Variants in PKHD1L1 observed in about 807,000 individuals in gnomAD.
The protein encoded by PKHD1L1 is fibrocystin-L.
Under a neutral mutation model 462.9 loss-of-function variants are expected in PKHD1L1, and 434 were observed. The ratio of observed to expected loss-of-function variants is 0.94; its 90% confidence interval spans 0.87 to 1.02. PKHD1L1 has a LOEUF of 1.02. Ranked by LOEUF, PKHD1L1 falls within the 50% of genes least tolerant of loss-of-function variation. PKHD1L1 has a pLI of 0.00. For missense variants in PKHD1L1, 5,202 were observed against 5,096.1 expected (o/e 1.02, Z -0.63); for synonymous variants, 1,781 against 1,750.0 (o/e 1.02, Z -0.44).
chr8:109,403,418 T>G (rs1273643308), intron 14 of PKHD1L1, among the ~76,000 whole-genome samples: 1 of 152,186 alleles, frequency 6.6e-6, no homozygotes, highest in Admixed American at 6.6e-5. Context: ...CATTTGTTAT[T>G]CATATGGATA....
At chr8:109,390,916 T>TTA (rs1812682012) in intron 9 of PKHD1L1, among the ~76,000 whole-genome samples, 1 of 152,180 alleles carries the variant, frequency 6.6e-6, no homozygotes, top group Admixed American at 6.5e-5. Flanking sequence ...AAGATGGTAG[T>TTA]TATATCTTTC....
In PKHD1L1 at chr8:109,426,177, C is replaced by G. The variant is rs141529103; in HGVS notation, c.2846-825C>G. ...GTGACATTCTCAAATGTTTGTTTCT[C>G]TTTTATATTCATGACTTATAGGTTA... On this transcript the variant is annotated intron_variant, in intron 24 of 77. Transcript: ENST00000378402. 4.2e-4 allele frequency among the ~76,000 whole-genome samples: 64 copies of G among 152,122 alleles called. No individual in the cohort carries two copies. The East Asian group carries it at 0.011, about 27-fold the overall frequency.
chr8:109,438,658 G>GT (rs1031619344), intron 31 of PKHD1L1, among the ~76,000 whole-genome samples: 136 of 147,606 alleles, frequency 9.2e-4, no homozygotes, highest in Middle Eastern at 7.1e-3. Flanking sequence ...AAAATAGTAA[G>GT]TTTTTTTTTT....
At position 109,496,930 on chromosome 8, in the gene PKHD1L1, C is replaced by G; in HGVS notation, c.10339C>G (p.Pro3447Ala). ...TATTTCCCTCCAAGGCCAGTTTAAT[C>G]CTGTGGAAAAGTGGTTTGACAATGA... ...DGEPCPGQFN[P>A]VEKWFDNEAH... The change falls in exon 64 of 78, where the codon CCT becomes GCT. Residue 3447 changes from proline (P) to alanine (A), a missense_variant. Transcript: ENST00000378402. 1 of 1,612,902 alleles carries G rather than the reference C, an allele frequency of 6.2e-7. No individual in the cohort carries two copies. Among genetic ancestry groups the G allele is most frequent in the Non-Finnish European group, 8.5e-7 (1 of 1,179,244 alleles).
chr8:109,507,589 CTAAG>C, intron 68 of PKHD1L1, 70 bp from the exon 69 acceptor site: 1 of 1,303,444 alleles, frequency 7.7e-7, no homozygotes, highest in Non-Finnish European at 1.1e-6. Context: ...TGGATATCCT[CTAAG>C]TAAATATTCA....
At chr8:109,407,946 G>T in intron 17 of PKHD1L1, 103 bp from the exon 18 acceptor site, 1 of 720,568 alleles carries the variant, frequency 1.4e-6, no homozygotes. Flanking sequence ...AAACCAATTT[G>T]GCTACATTTG....
At position 109,459,625 on chromosome 8, in the gene PKHD1L1, C is replaced by T; in HGVS notation, c.7035C>T (p.Thr2345=). The change falls in exon 47 of 78, where the codon ACC becomes ACT. Residue 2345 remains threonine, a synonymous_variant. Transcript: ENST00000378402. The part of the protein sequence containing the change: ...RHSQGENEKM[T]IASVSADGIN... ...GTCAAGGAGAGAATGAAAAAATGAC[C>T]ATTGCATCTGTGTCTGCTGATGGCA... 2.5e-6 allele frequency: 4 copies of T among 1,574,146 alleles called. No homozygotes were observed. Among genetic ancestry groups the T allele is most frequent in the Non-Finnish European group, 3.5e-6 (4 of 1,158,780 alleles).
intron 2 of PKHD1L1, among the ~76,000 whole-genome samples, chr8:109,378,852 A>G (rs560595753): frequency 3.3e-5 from 5 of 152,330 alleles, no homozygotes; most frequent in Admixed American, 3.3e-4. Flanking sequence ...TGTCTTAGAG[A>G]GAGGCATATG....
intron 50 of PKHD1L1, among the ~76,000 whole-genome samples, chr8:109,471,777 C>T (rs1309826383): frequency 6.6e-6 from 1 of 152,136 alleles, no homozygotes; most frequent in East Asian, 1.9e-4. Flanking sequence ...GTTAATACAT[C>T]ACATCTTATT....
chr8:109,419,242 A>G lies in PKHD1L1; in HGVS notation c.2506A>G (p.Thr836Ala). The stretch of plus-strand genomic sequence containing the variant: ...TGTAGTGTACATTGGACACACATCT[A>G]CAATCTCAACATTGGATGGTATGTT... ...VDVVYIGHTS[T>A]ISTLDEMPKR... The change falls in exon 22 of 78, where the codon ACA becomes GCA. Residue 836 changes from threonine to alanine, a missense_variant. Physicochemically the swap from Thr to Ala is moderately conservative, Grantham distance 58. Around this residue, in one of 3 missense-constraint regions of PKHD1L1, gnomAD observed 4,497 missense variants for 4,336.8 expected, o/e 1.04. Transcript: ENST00000378402. The G allele has an allele frequency of 6.2e-7, 1 of 1,605,504 alleles. No homozygotes were observed. Among genetic ancestry groups the G allele is most frequent in the Non-Finnish European group, 8.5e-7 (1 of 1,175,014 alleles).
intron 2 of PKHD1L1, among the ~76,000 whole-genome samples, chr8:109,370,250 C>G (rs2130330600): frequency 6.6e-6 from 1 of 152,172 alleles, no homozygotes; most frequent in African/African-American, 2.4e-5. Context: ...TCCCGAGTAG[C>G]TGGAATTACA....
chr8:109,427,010 G>C lies in PKHD1L1; in HGVS notation c.2854G>C (p.Ala952Pro). 6.4e-7 allele frequency: 1 copy of C among 1,555,098 alleles called. No individual in the cohort carries two copies. The highest frequency in any genetic ancestry group is 1.1e-5 in the South Asian group (1 of 89,890). Residue 952 changes from alanine (A) to proline (P), a missense_variant, in exon 25 of 78, where the codon GCT (alanine) becomes CCT (proline). Ala to Pro is a conservative substitution (Grantham distance 27, BLOSUM62 -1). Transcript: ENST00000378402. ...CCCCTCTGTGAGTGCAGGCCTCCCC[G>C]CTGCTGTGTCAGCTGCAGATCTGCA... ...AYGHILKGLP[A>P]AVSAADLQFA...
At chr8:109,396,495 G>A (rs1222460279) in intron 11 of PKHD1L1, among the ~76,000 whole-genome samples, 3 of 152,136 alleles carry the variant, frequency 2.0e-5, no homozygotes, top group South Asian at 2.1e-4. Context: ...ATTTCTCAGC[G>A]AGTTAGCTAA....
At chr8:109,377,864 A>G (rs1301629530) in intron 2 of PKHD1L1, among the ~76,000 whole-genome samples, 1 of 152,228 alleles carries the variant, frequency 6.6e-6, no homozygotes, top group Non-Finnish European at 1.5e-5. Flanking sequence ...TCAAAAATAT[A>G]AAATATTCTT....
At chr8:109,433,583 T>C (rs1815230718) in intron 28 of PKHD1L1, among the ~76,000 whole-genome samples, 1 of 152,172 alleles carries the variant, frequency 6.6e-6, no homozygotes, top group Admixed American at 6.5e-5. Context: ...GTTTTGACAA[T>C]GCCATGCAGG....
intron 23 of PKHD1L1, among the ~76,000 whole-genome samples, chr8:109,421,494 AAT>A (rs1287627502): frequency 5.3e-5 from 8 of 152,198 alleles, no homozygotes; most frequent in Admixed American, 1.3e-4. Flanking sequence ...TAGAAAATAT[AAT>A]AACTGGCCGG....
At chr8:109,514,356 C>A (rs893577551) in intron 71 of PKHD1L1, among the ~76,000 whole-genome samples, 1 of 152,106 alleles carries the variant, frequency 6.6e-6, no homozygotes, top group Non-Finnish European at 1.5e-5. Context: ...CCTACTTTAC[C>A]TTTTATTATT....
intron 45 of PKHD1L1, 59 bp downstream of exon 45, chr8:109,454,911 A>T: frequency 2.0e-6 from 3 of 1,529,870 alleles, no homozygotes; most frequent in Admixed American, 4.2e-5. Context: ...GACACCAGGG[A>T]TAATTATCCT....
intron 58 of PKHD1L1, 78 bp from the exon 59 acceptor site, chr8:109,486,570 G>T: frequency 7.2e-7 from 1 of 1,386,206 alleles, no homozygotes; most frequent in Non-Finnish European, 9.7e-7. Flanking sequence ...AGGCTGTTTA[G>T]CATATAAACT....
Sources: gnomAD v4.1 joint callset for allele counts (sites outside exome capture counted in the v4.1 genomes callset) on GRCh38, gnomAD v4.1.1 for gene constraint, gnomAD v4.1.1 regional missense constraint, MANE v1.5 for transcripts, NCBI Gene and HGNC (gene_info 2026-07-23, HGNC 2026-07-21) for gene names.